PRKN: variants seen among roughly 807,000 people sequenced by gnomAD.
PRKN encodes parkin RBR E3 ubiquitin protein ligase.
Under a neutral mutation model 59.5 loss-of-function variants are expected in PRKN, and 56 were observed. That is an observed-to-expected ratio of 0.94 (90% CI 0.76 to 1.18). The LOEUF (loss-of-function observed/expected upper bound fraction) is 1.18, where lower values mean the gene tolerates loss of function less well. Among genes scored for constraint, PRKN ranks in the 50% most tolerant of loss-of-function variants. PRKN has a pLI of 0.00. For synonymous variants in PRKN, 250 were observed against 222.1 expected (o/e 1.13, Z -1.12); for missense variants, 657 against 596.4 (o/e 1.10, Z -1.06).
In PRKN at chr6:161,588,952, C is replaced by G. The variant is rs1447188900; in HGVS notation, c.872-19536G>C. On this transcript the variant is annotated intron_variant, in intron 7 of 11. Transcript: ENST00000366898. The surrounding 1 kb of genome is among the most constrained non-coding windows in gnomAD (Gnocchi z 5.0). ...CTGAAATGCAAATGTAACCGGTATC[C>G]TCTAGTTTATCTGGCAGCCTTACCA... Among the ~76,000 whole-genome samples the G allele has an allele frequency of 6.6e-6, 1 of 152,080 alleles. No homozygotes were observed. The highest frequency in any genetic ancestry group is 1.5e-5 in the Non-Finnish European group (1 of 68,016).
At chr6:161,865,088 G>C (rs57003786) in intron 6 of PRKN, among the ~76,000 whole-genome samples, 2 of 152,142 alleles carry the variant, frequency 1.3e-5, no homozygotes, top group African/African-American at 4.8e-5. Context: ...TGTGTCAGCA[G>C]GGATGAAAAC....
chr6:162,635,156 A>G (rs1345474760), intron 1 of PRKN, among the ~76,000 whole-genome samples: 4 of 152,192 alleles, frequency 2.6e-5, no homozygotes, highest in African/African-American at 9.7e-5. Flanking sequence ...AGTTTCACAC[A>G]CAACAGCTCA....
At chr6:162,605,692 T>C (rs577664605) in intron 1 of PRKN, among the ~76,000 whole-genome samples, 2 of 152,250 alleles carry the variant, frequency 1.3e-5, no homozygotes, top group East Asian at 3.9e-4. Flanking sequence ...TGTGAAGTAC[T>C]AGGGTAATGA....
At chr6:162,182,809 A>G (rs1028559495) in intron 4 of PRKN, among the ~76,000 whole-genome samples, 8 of 152,218 alleles carry the variant, frequency 5.3e-5, no homozygotes, top group Non-Finnish European at 1.0e-4. Context: ...TTCCAACAGC[A>G]TATGCTCATT....
In PRKN at chr6:161,762,184, G is replaced by A. The variant is rs1052764429; in HGVS notation, c.871+23588C>T. Among the ~76,000 whole-genome samples, 8 of 152,128 alleles carry A rather than the reference G, an allele frequency of 5.3e-5. No homozygotes were observed. In the South Asian group the frequency reaches 8.3e-4, roughly 16 times the overall value. On this transcript the variant is annotated intron_variant, in intron 7 of 11. Transcript: ENST00000366898. ...GTGAGGCAACAGTAAGAAAAAATAC[G>A]AAGCCACAGTAGGCTGGACCAGAAC...
chr6:162,541,900 CA>C (rs1778939100), intron 1 of PRKN, among the ~76,000 whole-genome samples: 1 of 151,948 alleles, frequency 6.6e-6, no homozygotes, highest in South Asian at 2.1e-4. Flanking sequence ...TTGTAACTGA[CA>C]AATGGTTGAA....
chr6:162,713,279 G>C (rs567050858), intron 1 of PRKN, among the ~76,000 whole-genome samples: 4 of 152,186 alleles, frequency 2.6e-5, no homozygotes, highest in East Asian at 3.9e-4. Context: ...CGGATCACGA[G>C]GTCAGAAGAT....
At chr6:161,422,564 C>T (rs1028949518) in intron 9 of PRKN, among the ~76,000 whole-genome samples, 21 of 152,248 alleles carry the variant, frequency 1.4e-4, no homozygotes, top group African/African-American at 2.2e-4. Flanking sequence ...CTTTGACTAA[C>T]GCCTATATTC....
At chr6:162,398,841 C>T (rs1787620024) in intron 2 of PRKN, among the ~76,000 whole-genome samples, 4 of 152,216 alleles carry the variant, frequency 2.6e-5, no homozygotes, top group Admixed American at 2.6e-4. Context: ...TCACTAATTT[C>T]TCCAGATATT....
chr6:161,594,652 G>C (rs1057453933), intron 7 of PRKN, among the ~76,000 whole-genome samples: 2 of 152,116 alleles, frequency 1.3e-5, no homozygotes, highest in African/African-American at 4.8e-5. Flanking sequence ...CAGTTAAGTT[G>C]TTTCTAGTAT....
intron 9 of PRKN, among the ~76,000 whole-genome samples, chr6:161,537,653 A>G (rs112336085): frequency 0.22 from 32,740 of 151,980 alleles, 4,248 homozygotes; most frequent in East Asian, 0.39. Context: ...GGGTTTCACC[A>G]TGTTAGCCTG....
chr6:161,364,472 G>A (rs1271660708), intron 10 of PRKN, among the ~76,000 whole-genome samples: 36 of 23,554 alleles, frequency 1.5e-3, no homozygotes, highest in African/African-American at 8.7e-3. Flanking sequence ...CACCCGCCCC[G>A]CAAAAAAAAA....
At chr6:161,375,483 T>C (rs62435879) in intron 10 of PRKN, among the ~76,000 whole-genome samples, 10,715 of 152,244 alleles carry the variant, frequency 0.07, 431 homozygotes, top group Non-Finnish European at 0.08. Flanking sequence ...TGCCTGACAG[T>C]TTTAGCATTC....
intron 6 of PRKN, among the ~76,000 whole-genome samples, chr6:161,893,471 C>T (rs762708568): frequency 2.1e-4 from 32 of 152,276 alleles, no homozygotes; most frequent in Non-Finnish European, 4.4e-4. Context: ...TTTAAATAGA[C>T]ACTGGGCTCA....
At chr6:162,037,596 G>C (rs1340940368) in intron 5 of PRKN, among the ~76,000 whole-genome samples, 1 of 151,660 alleles carries the variant, frequency 6.6e-6, no homozygotes, top group Non-Finnish European at 1.5e-5. Flanking sequence ...CACCAGGCTG[G>C]AGTGCAGTGG....
intron 1 of PRKN, among the ~76,000 whole-genome samples, chr6:162,554,165 A>G (rs549510738): frequency 1.7e-4 from 26 of 152,356 alleles, no homozygotes; most frequent in Admixed American, 1.7e-3. Context: ...ATGAAGATAC[A>G]GGATACTGAG....
rs35609309 is a variant in PRKN at position 162,284,215 on chromosome 6, C to CTTTTTTTTTT, written c.172-21460_172-21451dup. On this transcript the variant is annotated intron_variant, in intron 2 of 11. Coordinates refer to ENST00000366898, the MANE Select transcript of PRKN (RefSeq NM_004562.3). ...TATTTATGTATTGTGTTATTTCTTTCTTTTTTTTTTTTTTTTTTTTTTTTT... is the reference window on the plus strand; with the variant it reads ...TATTTATGTATTGTGTTATTTCTTTCTTTTTTTTTTTTTTTTTTTTTTTTTTTTTTTTTTT... 6.9e-4 allele frequency among the ~76,000 whole-genome samples: 52 copies of CTTTTTTTTTT among 75,666 alleles called. 3 individuals are homozygous for CTTTTTTTTTT. The highest frequency in any genetic ancestry group is 3.5e-3 in the East Asian group (5 of 1,434). The allele number at this position is 75,666 out of a possible 152,430, so 49.6% of individuals were successfully genotyped here.
chr6:161,382,651 G>A (rs553319074), intron 10 of PRKN, among the ~76,000 whole-genome samples: 4 of 152,292 alleles, frequency 2.6e-5, no homozygotes, highest in Admixed American at 6.5e-5. Flanking sequence ...GAAAGCAAAC[G>A]GGACTGGACT....
chr6:162,484,098 G>A (rs1319071558), intron 1 of PRKN, among the ~76,000 whole-genome samples: 2 of 152,168 alleles, frequency 1.3e-5, no homozygotes, highest in Non-Finnish European at 2.9e-5. Context: ...AGAAAGCAAC[G>A]ATAGCATCAG....
Sources: gnomAD v4.1 joint callset for allele counts (sites outside exome capture counted in the v4.1 genomes callset) on GRCh38, gnomAD v4.1.1 for gene constraint, Gnocchi (gnomAD v3.1) non-coding constraint, MANE v1.5 for transcripts, NCBI Gene and HGNC (gene_info 2026-07-23, HGNC 2026-07-21) for gene names.